The following NELL1 variants were observed in gnomAD, a reference collection of about 807,000 sequenced individuals.
NELL1 encodes the protein protein kinase C-binding protein NELL1.
In NELL1, 76 loss-of-function variants were observed where a neutral mutation model predicts 107.4. The ratio of observed to expected loss-of-function variants is 0.71; its 90% CI spans 0.59 to 0.86. NELL1 has a LOEUF of 0.86. Ranked by LOEUF, NELL1 falls within the 40% of genes least tolerant of loss-of-function variation. The probability of loss-of-function intolerance (pLI) is 0.00; values close to 1 mark genes in which losing one functional copy is unlikely to be tolerated. For synonymous variants in NELL1, 353 were observed against 341.2 expected (o/e 1.03, Z -0.38); for missense variants, 1,024 against 1,005.5 (o/e 1.02, Z -0.25).
intron 3 of NELL1, among the ~76,000 whole-genome samples, chr11:20,838,953 T>C (rs1041091548): frequency 3.9e-5 from 6 of 152,216 alleles, no homozygotes; most frequent in African/African-American, 7.2e-5. Flanking sequence ...CCAAGCTTAG[T>C]GCCTTCGGCT....
intron 5 of NELL1, among the ~76,000 whole-genome samples, chr11:20,907,430 C>T (rs932863555): frequency 6.6e-6 from 1 of 151,870 alleles, no homozygotes; most frequent in East Asian, 1.9e-4. Flanking sequence ...CACATTTCTC[C>T]AAAGAAGATA....
chr11:21,566,131 A>C (rs920675352), intron 17 of NELL1, among the ~76,000 whole-genome samples: 1 of 151,944 alleles, frequency 6.6e-6, no homozygotes, highest in African/African-American at 2.4e-5. Flanking sequence ...GAACAAGGGA[A>C]CTTGTGTTCC....
At chr11:21,252,465 C>A (rs1402437501) in intron 14 of NELL1, among the ~76,000 whole-genome samples, 1 of 152,032 alleles carries the variant, frequency 6.6e-6, no homozygotes, top group Non-Finnish European at 1.5e-5. Context: ...TTTGACCATG[C>A]GTAAGTTTCT....
At chr11:21,238,327 T>C (rs1858262805) in intron 14 of NELL1, among the ~76,000 whole-genome samples, 1 of 152,028 alleles carries the variant, frequency 6.6e-6, no homozygotes, top group Admixed American at 6.6e-5. Flanking sequence ...CCATGGAATA[T>C]TGCCCTAAAA....
At chr11:20,762,417 A>G (rs1856441019) in intron 2 of NELL1, among the ~76,000 whole-genome samples, 1 of 152,222 alleles carries the variant, frequency 6.6e-6, no homozygotes, top group Non-Finnish European at 1.5e-5. Context: ...GTCATATTTT[A>G]TTCATGAGTT....
At chr11:21,463,095 A>C (rs1853940485) in intron 15 of NELL1, among the ~76,000 whole-genome samples, 1 of 152,020 alleles carries the variant, frequency 6.6e-6, no homozygotes, top group Non-Finnish European at 1.5e-5. Flanking sequence ...TACCACAGAG[A>C]CTGGATCCAG....
At chr11:21,359,526 T>C (rs889320155) in intron 14 of NELL1, among the ~76,000 whole-genome samples, 3 of 152,190 alleles carry the variant, frequency 2.0e-5, no homozygotes, top group Admixed American at 6.5e-5. Context: ...ATAAAATAAT[T>C]TAGGGAGGAT....
At position 21,153,989 on chromosome 11, in the gene NELL1, G is replaced by A. The variant is rs991757087; in HGVS notation, c.1426+40275G>A. Among the ~76,000 whole-genome samples, 5 of 152,230 alleles carry A rather than the reference G, an allele frequency of 3.3e-5. No homozygotes were observed. The East Asian group carries it at 7.7e-4, about 24-fold the overall frequency. On this transcript the variant is annotated intron_variant, in intron 13 of 19. Transcript: ENST00000357134. ...AATTAAGAACCATACACTGGGCAGCGTTAAAGAGCCCATGTGTGGCAAAAA... is the reference window on the plus strand; with the variant it reads ...AATTAAGAACCATACACTGGGCAGCATTAAAGAGCCCATGTGTGGCAAAAA...
intron 3 of NELL1, among the ~76,000 whole-genome samples, chr11:20,816,298 G>A (rs142868663): frequency 1.2e-3 from 177 of 152,154 alleles, no homozygotes; most frequent in African/African-American, 3.8e-3. Flanking sequence ...ATGTTTTTCC[G>A]TTTGTTTGTG....
At chr11:21,098,996 A>G (rs1268450788) in intron 12 of NELL1, among the ~76,000 whole-genome samples, 1 of 151,704 alleles carries the variant, frequency 6.6e-6, no homozygotes, top group Non-Finnish European at 1.5e-5. Flanking sequence ...TTTTAATTGT[A>G]TTTTTCCAAA....
intron 15 of NELL1, among the ~76,000 whole-genome samples, chr11:21,464,767 C>A (rs1381260856): frequency 6.6e-6 from 1 of 152,008 alleles, no homozygotes; most frequent in Non-Finnish European, 1.5e-5. Flanking sequence ...CTTGCAAAAT[C>A]TGAAATTCAT....
At chr11:20,765,551 G>T (rs1856511706) in intron 2 of NELL1, among the ~76,000 whole-genome samples, 1 of 152,198 alleles carries the variant, frequency 6.6e-6, no homozygotes, top group African/African-American at 2.4e-5. Context: ...TTCAGCTGAA[G>T]CCTGAGTGAT....
At chr11:21,259,575 C>G (rs541213692) in intron 14 of NELL1, among the ~76,000 whole-genome samples, 4 of 151,750 alleles carry the variant, frequency 2.6e-5, no homozygotes, top group African/African-American at 9.7e-5. Context: ...AGACTGGGGT[C>G]GGTAGCCAGG....
At chr11:21,275,426 A>G in intron 14 of NELL1, among the ~76,000 whole-genome samples, 1 of 152,192 alleles carries the variant, frequency 6.6e-6, no homozygotes, top group East Asian at 1.9e-4. Flanking sequence ...CCAACCAAAA[A>G]AAGTCCAGGA....
intron 17 of NELL1, among the ~76,000 whole-genome samples, chr11:21,564,174 TG>T (rs1856916852): frequency 6.6e-6 from 1 of 151,904 alleles, no homozygotes; most frequent in African/African-American, 2.4e-5. Flanking sequence ...GACAGCATGA[TG>T]GATGACCTGA....
chr11:21,319,494 T>TTATATA (rs143740709), intron 14 of NELL1, among the ~76,000 whole-genome samples: 2,081 of 135,532 alleles, frequency 0.015, 33 homozygotes, highest in African/African-American at 0.032. Context: ...CCAGCTAAAT[T>TTATATA]TATATATATA....
intron 15 of NELL1, among the ~76,000 whole-genome samples, chr11:21,453,644 T>G (rs1590943995): frequency 6.6e-6 from 1 of 152,132 alleles, no homozygotes; most frequent in Non-Finnish European, 1.5e-5. Context: ...ATTATTTATA[T>G]AGTTGGGTTT....
intron 12 of NELL1, among the ~76,000 whole-genome samples, chr11:20,961,341 G>A (rs969020507): frequency 6.6e-6 from 1 of 152,228 alleles, no homozygotes; most frequent in South Asian, 2.1e-4. Context: ...CATTTCCAAC[G>A]TGCTCATGGC....
chr11:20,703,279 C>A (rs1239405456), intron 2 of NELL1, among the ~76,000 whole-genome samples: 1 of 152,042 alleles, frequency 6.6e-6, no homozygotes, highest in African/African-American at 2.4e-5. Context: ...TTTTCTAGTT[C>A]ATTTATGTAG....
Sources: allele counts gnomAD v4.1 joint callset (sites outside exome capture counted in the v4.1 genomes callset), GRCh38; gene constraint gnomAD v4.1.1; transcripts MANE v1.5; gene names NCBI Gene and HGNC (gene_info 2026-07-23, HGNC 2026-07-21).